NDST3: variants seen among roughly 807,000 people sequenced by gnomAD.
The protein encoded by NDST3 is bifunctional heparan sulfate N-deacetylase/N-sulfotransferase 3.
In NDST3, 58 loss-of-function variants were observed where a neutral mutation model predicts 96.1. The observed-to-expected ratio is 0.60, with a 90% CI of 0.49 to 0.75. The LOEUF is 0.75. Among genes scored for constraint, NDST3 ranks in the 30% least tolerant of loss-of-function variants. The probability of loss-of-function intolerance (pLI) is 0.00; values close to 1 mark genes in which losing one functional copy is unlikely to be tolerated. For synonymous variants in NDST3, 333 were observed against 359.7 expected (o/e 0.93, Z 0.84); for missense variants, 788 against 1,034.2 (o/e 0.76, Z 3.27).
intron 6 of NDST3, among the ~76,000 whole-genome samples, chr4:118,178,787 T>C (rs1439819869): frequency 1.3e-5 from 2 of 152,110 alleles, no homozygotes; most frequent in Admixed American, 1.3e-4. Context: ...TATACCACTA[T>C]ACATTCCCAC....
chr4:118,206,455 T>C lies in NDST3; in HGVS notation c.1540-18036T>C, dbSNP rs1436086090. On this transcript the variant is annotated intron_variant, in intron 6 of 13. Coordinates refer to ENST00000296499, the MANE Select transcript of NDST3 (RefSeq NM_004784.3). Reference sequence around the variant, plus strand: ...TGTACAGAGGAAACTGTTTCAGGCCTAAAGCACAGCATAGAACAAGGAATG... The same window carrying C: ...TGTACAGAGGAAACTGTTTCAGGCCCAAAGCACAGCATAGAACAAGGAATG... 9.7e-5 allele frequency among the ~76,000 whole-genome samples: 14 copies of C among 144,442 alleles called. 1 individual carries two copies. The highest frequency in any genetic ancestry group is 1.5e-4 in the Non-Finnish European group (10 of 65,174). 94.8% of individuals were successfully genotyped at this position (144,442 alleles called of 152,430 possible).
At chr4:118,084,289 C>A (rs1728246185) in intron 2 of NDST3, among the ~76,000 whole-genome samples, 1 of 151,966 alleles carries the variant, frequency 6.6e-6, no homozygotes, top group South Asian at 2.1e-4. Context: ...CTATAGTAAT[C>A]ATTTTACTAT....
chr4:118,055,193 T>A, intron 2 of NDST3: 1 of 342,704 alleles, frequency 2.9e-6, no homozygotes, highest in Non-Finnish European at 5.4e-6. Context: ...ACTATCTACC[T>A]CAAAAAAAAG....
intron 6 of NDST3, among the ~76,000 whole-genome samples, chr4:118,149,265 A>C (rs938502100): frequency 1.6e-4 from 25 of 151,724 alleles, no homozygotes; most frequent in Non-Finnish European, 2.9e-4. Flanking sequence ...TATGAACTTT[A>C]AAGTAGTTTT....
Position 118,138,149 on chromosome 4 carries a change from G to A in NDST3, c.1320G>A (p.Lys440=). 6.2e-7 allele frequency: 1 copy of A among 1,613,968 alleles called. No homozygotes were observed. The part of the protein sequence containing the change: ...VHVQLYEAWK[K]VWNIKITSTE... ...TTCAGCTTTATGAGGCCTGGAAGAA[G>A]GTCTGGAATATTAAAATCACCAGCA... Residue 440 remains lysine (K), a synonymous_variant, in exon 5 of 14, where the codon AAG becomes AAA. Transcript: ENST00000296499.
At chr4:118,058,848 G>A (rs767336321) in intron 2 of NDST3, among the ~76,000 whole-genome samples, 1 of 152,030 alleles carries the variant, frequency 6.6e-6, no homozygotes, top group Admixed American at 6.6e-5. Context: ...ATGACCCAGT[G>A]AACACTAATA....
chr4:118,249,143 T>C (rs1741496669), intron 12 of NDST3, among the ~76,000 whole-genome samples: 1 of 152,246 alleles, frequency 6.6e-6, no homozygotes, highest in South Asian at 2.1e-4. Context: ...TTCTTAATTT[T>C]AGCATGTGTG....
intron 2 of NDST3, among the ~76,000 whole-genome samples, chr4:118,063,193 A>G (rs1388970583): frequency 1.3e-5 from 2 of 151,074 alleles, no homozygotes; most frequent in East Asian, 1.9e-4. Context: ...TCCGTTTAAA[A>G]AAAAAAAAAA....
intron 6 of NDST3, among the ~76,000 whole-genome samples, chr4:118,157,435 T>C (rs868745940): frequency 6.6e-6 from 1 of 150,596 alleles, no homozygotes; most frequent in Non-Finnish European, 1.5e-5. Flanking sequence ...TTTGTTTTTT[T>C]TTTTTTTTGA....
At chr4:118,100,051 G>A (rs1729638496) in intron 2 of NDST3, among the ~76,000 whole-genome samples, 1 of 152,012 alleles carries the variant, frequency 6.6e-6, no homozygotes, top group South Asian at 2.1e-4. Flanking sequence ...ACTAAGCTAA[G>A]GGATGCCCAT....
At chr4:118,189,310 C>T (rs922500553) in intron 6 of NDST3, among the ~76,000 whole-genome samples, 2 of 152,224 alleles carry the variant, frequency 1.3e-5, no homozygotes, top group Non-Finnish European at 2.9e-5. Context: ...CTCAGCCTCT[C>T]AAAGTGCTGG....
intron 11 of NDST3, 148 bp downstream of exon 11, chr4:118,240,842 C>T (rs549913079): frequency 2.9e-6 from 2 of 683,740 alleles, no homozygotes; most frequent in South Asian, 5.5e-5. Context: ...GAGAAATAGG[C>T]AGAAGTAGAA....
intron 6 of NDST3, among the ~76,000 whole-genome samples, chr4:118,221,827 G>A (rs528150070): frequency 6.6e-6 from 1 of 152,084 alleles, no homozygotes; most frequent in African/African-American, 2.4e-5. Flanking sequence ...CAAATGATGT[G>A]AGTTTTAAGC....
At position 118,233,729 on chromosome 4, in the gene NDST3, T is replaced by C. The variant is rs538803719; in HGVS notation, c.1943+594T>C. On this transcript the variant is annotated intron_variant, in intron 9 of 13. Transcript: ENST00000296499. Reference sequence around the variant, plus strand: ...TGTCAGAATACACAAAATACAGTAATGTAGTAGAGATAGATGGTACAAACT... The same window carrying C: ...TGTCAGAATACACAAAATACAGTAACGTAGTAGAGATAGATGGTACAAACT... Among the ~76,000 whole-genome samples the C allele has an allele frequency of 3.3e-5, 5 of 152,242 alleles. No homozygotes were observed. The East Asian group carries it at 9.7e-4, about 29-fold the overall frequency.
At chr4:118,156,647 T>C (rs1734731740) in intron 6 of NDST3, among the ~76,000 whole-genome samples, 1 of 152,214 alleles carries the variant, frequency 6.6e-6, no homozygotes, top group South Asian at 2.1e-4. Context: ...TGGTTTTTAT[T>C]GTCTCCCAAC....
At chr4:118,086,526 C>T (rs1428990197) in intron 2 of NDST3, among the ~76,000 whole-genome samples, 1 of 152,120 alleles carries the variant, frequency 6.6e-6, no homozygotes, top group Non-Finnish European at 1.5e-5. Context: ...TGAGTCACCT[C>T]CTGCCAGCTT....
intron 12 of NDST3, among the ~76,000 whole-genome samples, chr4:118,242,659 T>C (rs1338468674): frequency 1.3e-5 from 2 of 152,240 alleles, no homozygotes; most frequent in Non-Finnish European, 2.9e-5. Flanking sequence ...TTTTTTCATC[T>C]TTGTCTTTAT....
At chr4:118,085,561 C>G (rs569886639) in intron 2 of NDST3, among the ~76,000 whole-genome samples, 2 of 152,122 alleles carry the variant, frequency 1.3e-5, no homozygotes, top group Non-Finnish European at 2.9e-5. Flanking sequence ...AATGCTGCAA[C>G]CTTTTGTTGA....
chr4:118,207,064 A>C (rs1455544669), intron 6 of NDST3, among the ~76,000 whole-genome samples: 1 of 142,592 alleles, frequency 7.0e-6, no homozygotes, highest in Admixed American at 7.0e-5. Context: ...AAGATGTATT[A>C]AATTTTTAAA....
Sources: allele counts gnomAD v4.1 joint callset (sites outside exome capture counted in the v4.1 genomes callset), GRCh38; gene constraint gnomAD v4.1.1; transcripts MANE v1.5; gene names NCBI Gene and HGNC (gene_info 2026-07-23, HGNC 2026-07-21).